The following ARIH2 variants were observed in gnomAD, a reference collection of about 807,000 sequenced individuals.
The protein encoded by ARIH2 is E3 ubiquitin-protein ligase ARIH2.
A neutral mutation model predicts 79.8 loss-of-function variants in ARIH2; 12 were observed. That is an observed-to-expected ratio of 0.15 (90% CI 0.10 to 0.24). The LOEUF (loss-of-function observed/expected upper bound fraction) is 0.24. ARIH2 is among the 10% of genes least tolerant of loss of function. ARIH2 has a pLI of 1.00. For synonymous variants in ARIH2, 224 were observed against 213.9 expected, an observed-to-expected ratio of 1.05 and a Z score of -0.41; for missense variants, 301 against 618.3, an observed-to-expected ratio of 0.49 and a Z score of 5.44.
chr3:48,939,771 A>C (rs9985465), intron 3 of ARIH2, among the ~76,000 whole-genome samples: 8,207 of 143,118 alleles, frequency 0.057, 772 homozygotes, highest in African/African-American at 0.21. Context: ...AAAAAAAAAA[A>C]AAAAACAAAA....
chr3:48,924,720 T>C, intron 2 of ARIH2: 1 of 150,176 alleles, frequency 6.7e-6, no homozygotes, highest in African/African-American at 2.4e-5. Flanking sequence ...TTTTTCAGAT[T>C]GAGTCTCGCT....
intron 3 of ARIH2, among the ~76,000 whole-genome samples, chr3:48,943,895 A>G (rs2088725475): frequency 1.3e-5 from 2 of 152,176 alleles, no homozygotes; most frequent in African/African-American, 4.8e-5. Context: ...TAGCTGAGAC[A>G]TAGCATTGTT....
chr3:48,942,513 T>TC (rs1287736163), intron 3 of ARIH2, among the ~76,000 whole-genome samples: 1 of 149,214 alleles, frequency 6.7e-6, no homozygotes, highest in African/African-American at 2.4e-5. Context: ...CCTTTTCACT[T>TC]TTTTTTTTTT....
intron 1 of ARIH2, among the ~76,000 whole-genome samples, chr3:48,921,791 G>A (rs762461799): frequency 1.5e-4 from 23 of 149,826 alleles, no homozygotes; most frequent in Admixed American, 5.4e-4. Context: ...TCACTCTGTC[G>A]CCTAGACTGG....
chr3:48,965,962 AG>A (rs1157716205), intron 5 of ARIH2, among the ~76,000 whole-genome samples: 1 of 79,218 alleles, frequency 1.3e-5, no homozygotes, highest in Admixed American at 1.6e-4. Context: ...CTCCATCAGA[AG>A]AAAAAAAAAA....
At chr3:48,955,380 T>A (rs2090461785) in intron 3 of ARIH2, among the ~76,000 whole-genome samples, 1 of 152,114 alleles carries the variant, frequency 6.6e-6, no homozygotes, top group South Asian at 2.1e-4. Context: ...CTGGATCCAT[T>A]TTTCTTTTGG....
At chr3:48,927,304 G>T in intron 2 of ARIH2, 158 bp from the exon 3 acceptor site, 1 of 447,764 alleles carries the variant, frequency 2.2e-6, no homozygotes, top group South Asian at 2.5e-5. Context: ...ATAAGCCTGG[G>T]CCAGGGGGAT....
chr3:48,933,235 GGTGTGTGTGTGTGTGTGT>G (rs57911300), intron 3 of ARIH2, among the ~76,000 whole-genome samples: 67,191 of 134,304 alleles, frequency 0.5, 18,002 homozygotes, highest in East Asian at 0.85. Context: ...CACATGCCCG[GGTGTGTGTGTGTGTGTGT>G]GTGTGTGTGT....
chr3:48,936,691 C>T (rs2087177219), intron 3 of ARIH2, among the ~76,000 whole-genome samples: 1 of 151,830 alleles, frequency 6.6e-6, no homozygotes, highest in South Asian at 2.1e-4. Flanking sequence ...CAAGATTGCA[C>T]CACTGCACTC....
intron 2 of ARIH2, among the ~76,000 whole-genome samples, chr3:48,926,144 T>G (rs1482808597): frequency 6.6e-6 from 1 of 152,238 alleles, no homozygotes; most frequent in African/African-American, 2.4e-5. Context: ...GGTTTGTGAC[T>G]GTTTCACTTT....
rs777251334 is a variant in ARIH2 at position 48,974,773 on chromosome 3, A to G, written c.889-44A>G. On this transcript the variant is annotated intron_variant, in intron 9 of 15. Coordinates refer to ENST00000356401, the MANE Select transcript of ARIH2 (RefSeq NM_006321.4). ...CTTTGTGTAATTTGTCTTAAAACCA[A>G]CCTGGTGGTGTGTGAGCCTAATGGC... is the stretch of plus-strand genomic sequence containing the variant. The G allele has an allele frequency of 6.2e-5, 100 of 1,609,004 alleles. 1 individual carries two copies. The highest frequency in any genetic ancestry group is 2.9e-4 in the South Asian group (26 of 90,906).
intron 3 of ARIH2, among the ~76,000 whole-genome samples, chr3:48,954,271 CTG>C (rs2090332139): frequency 1.3e-5 from 2 of 152,050 alleles, no homozygotes; most frequent in Non-Finnish European, 2.9e-5. Flanking sequence ...CTGGCTAACA[CTG>C]TGAAACCCCC....
At chr3:48,969,482 C>T (rs1182936545) in intron 7 of ARIH2, among the ~76,000 whole-genome samples, 3 of 150,034 alleles carry the variant, frequency 2.0e-5, no homozygotes, top group Non-Finnish European at 4.4e-5. Flanking sequence ...TTTTCTTTTT[C>T]TTTTTCTTCT....
At chr3:48,946,060 C>T (rs943030629) in intron 3 of ARIH2, among the ~76,000 whole-genome samples, 1 of 152,094 alleles carries the variant, frequency 6.6e-6, no homozygotes, top group Non-Finnish European at 1.5e-5. Context: ...GAAGAAAGTG[C>T]CTCCAGAACA....
intron 3 of ARIH2, 78 bp downstream of exon 3, chr3:48,927,891 C>G: frequency 1.3e-6 from 2 of 1,535,308 alleles, no homozygotes; most frequent in Non-Finnish European, 8.8e-7. Flanking sequence ...AATGTCTCCT[C>G]CAGACTAATT....
intron 10 of ARIH2, 38 bp downstream of exon 10, chr3:48,974,905 G>A: frequency 6.2e-7 from 1 of 1,614,106 alleles, no homozygotes; most frequent in Non-Finnish European, 8.5e-7. Context: ...GTGTGACATG[G>A]AAGCTTTGGT....
intron 11 of ARIH2, 139 bp downstream of exon 11, chr3:48,975,118 C>A: frequency 2.2e-6 from 3 of 1,385,708 alleles, no homozygotes; most frequent in Non-Finnish European, 2.0e-6. Flanking sequence ...CAGTAACTGG[C>A]ATAAAGTAGC....
rs532900702 is a variant in ARIH2 at position 48,951,563 on chromosome 3, TTGG to T, written c.256-10045_256-10043del. Among the ~76,000 whole-genome samples the T allele has an allele frequency of 5.3e-5, 8 of 152,292 alleles. No individual in the cohort carries two copies. The South Asian group carries it at 1.7e-3, about 32-fold the overall frequency. On this transcript the variant is annotated intron_variant, in intron 3 of 15. Coordinates refer to ENST00000356401, the MANE Select transcript of ARIH2 (RefSeq NM_006321.4). ...TCAGTAAAATCCCTGGGCCTGGAACTTGGTGGGAAGGGTTTCGATCATGACTTC... is the reference window on the plus strand; with the variant it reads ...TCAGTAAAATCCCTGGGCCTGGAACTTGGGAAGGGTTTCGATCATGACTTC...
chr3:48,965,347 G>A (rs747791428), intron 5 of ARIH2, among the ~76,000 whole-genome samples: 2 of 152,012 alleles, frequency 1.3e-5, no homozygotes, highest in East Asian at 1.9e-4. Flanking sequence ...GCGACAGAGC[G>A]AGACTCTGTC....
Sources: gnomAD v4.1 joint callset for allele counts (sites outside exome capture counted in the v4.1 genomes callset) on GRCh38, gnomAD v4.1.1 for gene constraint, MANE v1.5 for transcripts, NCBI Gene and HGNC (gene_info 2026-07-23, HGNC 2026-07-21) for gene names.